BBS7: variants seen among roughly 807,000 people sequenced by gnomAD.
The protein encoded by BBS7 is BBSome complex member BBS7.
In BBS7, 50 loss-of-function variants were observed where a neutral mutation model predicts 90.3. The ratio of observed to expected loss-of-function variants is 0.55; its 90% CI spans 0.44 to 0.70. BBS7 has a LOEUF of 0.70. Ranked by LOEUF, BBS7 falls within the 30% of genes least tolerant of loss-of-function variation. The pLI is 0.00. For missense variants in BBS7, 729 were observed against 838.9 expected (o/e 0.87, Z 1.62); for synonymous variants, 235 against 287.4 (o/e 0.82, Z 1.85).
intron 8 of BBS7, among the ~76,000 whole-genome samples, chr4:121,851,226 T>G (rs1424414535): frequency 6.6e-6 from 1 of 152,100 alleles, no homozygotes; most frequent in Non-Finnish European, 1.5e-5. Flanking sequence ...CAAAAATTTT[T>G]TACAAACTGT....
chr4:121,854,881 TA>T (rs1726520479), intron 6 of BBS7, 61 bp from the exon 7 acceptor site: 2 of 1,448,006 alleles, frequency 1.4e-6, no homozygotes, highest in African/African-American at 2.9e-5. Flanking sequence ...TCTTTAAAAT[TA>T]AAATGTTGTT....
intron 12 of BBS7, among the ~76,000 whole-genome samples, chr4:121,843,371 A>G (rs936424855): frequency 1.3e-4 from 20 of 152,222 alleles, no homozygotes; most frequent in African/African-American, 4.6e-4. Context: ...CTTATAAAGT[A>G]GTTCAAGCAA....
At chr4:121,844,629 TTTTG>T (rs1725913915) in intron 11 of BBS7, among the ~76,000 whole-genome samples, 1 of 152,212 alleles carries the variant, frequency 6.6e-6, no homozygotes, top group Admixed American at 6.5e-5. Context: ...GTTTACTACC[TTTTG>T]TTTGTTTTCT....
chr4:121,849,630 C>T (rs1352840642), intron 8 of BBS7, among the ~76,000 whole-genome samples: 3 of 152,084 alleles, frequency 2.0e-5, no homozygotes, highest in South Asian at 4.1e-4. Flanking sequence ...AGATTGAGAC[C>T]GTCCTGTCCA....
At chr4:121,856,041 A>AT (rs1224005310) in intron 5 of BBS7, among the ~76,000 whole-genome samples, 46 of 152,298 alleles carry the variant, frequency 3.0e-4, no homozygotes, top group Non-Finnish European at 5.7e-4. Context: ...TTTTAAATAC[A>AT]TTGTTTGCCT....
Position 121,829,538 on chromosome 4 carries a change from G to A in BBS7, c.1677-810C>T, listed in dbSNP as rs1328655133. ...GGCATGAGCTACTGAGATTACAGGC[G>A]TGAGCCACCACGCCCGGCCAGGATC... On this transcript the variant is annotated intron_variant, in intron 15 of 18. Transcript: ENST00000264499. Among the ~76,000 whole-genome samples the A allele has an allele frequency of 3.3e-5, 5 of 152,102 alleles. No homozygotes were observed. The South Asian group carries it at 6.2e-4, about 19-fold the overall frequency.
chr4:121,869,688 G>A (rs1458082170), intron 1 of BBS7, among the ~76,000 whole-genome samples: 1 of 152,084 alleles, frequency 6.6e-6, no homozygotes, highest in Non-Finnish European at 1.5e-5. Flanking sequence ...ACAGGCGCCC[G>A]CCACCACACC....
rs1725866216 is a variant in BBS7 at position 121,843,930 on chromosome 4, A to G, written c.1302T>C (p.Ser434=). The change falls in exon 12 of 19, where the codon TCT becomes TCC. Residue 434 remains serine (S), a synonymous_variant. Coordinates refer to ENST00000264499, the MANE Select transcript of BBS7 (RefSeq NM_176824.3). The part of the protein sequence containing the change: ...SAVVSFSSCD[S]ESNDNFLLAT... The stretch of plus-strand genomic sequence containing the variant: ...ATTCTTTTATATTTTTACTCACCTC[A>G]GAATCACAGCTGCTAAAGCTAACAA... 1 of 1,592,768 alleles carries G rather than the reference A, an allele frequency of 6.3e-7. No homozygotes were observed. Among genetic ancestry groups the G allele is most frequent in the Admixed American group, 1.7e-5 (1 of 58,854 alleles).
At chr4:121,829,857 A>G (rs1257247616) in intron 15 of BBS7, among the ~76,000 whole-genome samples, 3 of 152,226 alleles carry the variant, frequency 2.0e-5, no homozygotes, top group Admixed American at 6.5e-5. Context: ...AGAACTGAAC[A>G]AGGGATAAAA....
At chr4:121,864,684 A>G (rs748559843) in intron 2 of BBS7, among the ~76,000 whole-genome samples, 2 of 152,194 alleles carry the variant, frequency 1.3e-5, no homozygotes, top group African/African-American at 2.4e-5. Context: ...GAGACCAAAA[A>G]TTTTGAGAAG....
Position 121,835,286 on chromosome 4 carries a change from G to C in BBS7, c.1372-3C>G. ...TACTGGCCTTCAATTGAGCGAATCT[G>C]ATTCAACACAAAAGAGGAAATAAAA... On this transcript the variant is annotated splice_polypyrimidine_tract_variant and splice_region_variant and intron_variant, in intron 13 of 18. Coordinates refer to ENST00000264499, the MANE Select transcript of BBS7 (RefSeq NM_176824.3). 1 of 1,613,492 alleles carries C rather than the reference G, an allele frequency of 6.2e-7. No homozygotes were observed. Among genetic ancestry groups the C allele is most frequent in the Non-Finnish European group, 8.5e-7 (1 of 1,179,656 alleles).
intron 7 of BBS7, among the ~76,000 whole-genome samples, chr4:121,853,870 C>CT (rs1376559638): frequency 6.6e-6 from 1 of 152,160 alleles, no homozygotes; most frequent in Non-Finnish European, 1.5e-5. Context: ...ACCTCTCTGA[C>CT]TCCATCTCCT....
intron 2 of BBS7, among the ~76,000 whole-genome samples, chr4:121,865,519 G>GT (rs907425307): frequency 4.6e-5 from 7 of 152,184 alleles, no homozygotes; most frequent in Non-Finnish European, 8.8e-5. Context: ...GATTACAGGC[G>GT]TGAGTCACCA....
At chr4:121,857,853 C>T (rs1035099702) in intron 5 of BBS7, among the ~76,000 whole-genome samples, 4 of 140,140 alleles carry the variant, frequency 2.9e-5, no homozygotes, top group Admixed American at 2.3e-4. Context: ...GTTGCCCAGG[C>T]TGGAGTGCAG....
intron 2 of BBS7, among the ~76,000 whole-genome samples, chr4:121,866,511 C>T (rs1008986547): frequency 1.3e-5 from 2 of 152,070 alleles, no homozygotes; most frequent in African/African-American, 4.8e-5. Flanking sequence ...GTGATCCACT[C>T]GCCTTGGCCT....
chr4:121,861,414 C>G, intron 4 of BBS7, 90 bp downstream of exon 4: 1 of 1,172,494 alleles, frequency 8.5e-7, no homozygotes, highest in South Asian at 1.4e-5. Flanking sequence ...TTCCAGAAAG[C>G]CTATTAAGAT....
At chr4:121,852,302 CTTTAAG>C (rs1726365948) in intron 8 of BBS7, among the ~76,000 whole-genome samples, 1 of 151,750 alleles carries the variant, frequency 6.6e-6, no homozygotes, top group African/African-American at 2.4e-5. Flanking sequence ...TCTTTTTTTT[CTTTAAG>C]TTTAATAGCC....
intron 2 of BBS7, 60 bp downstream of exon 2, chr4:121,867,921 T>TAGG (rs1470923684): frequency 1.5e-6 from 2 of 1,353,482 alleles, no homozygotes; most frequent in East Asian, 4.6e-5. Context: ...AAGAAGGAAA[T>TAGG]AGGAGCCTCT....
At chr4:121,829,800 G>A (rs1377780206) in intron 15 of BBS7, among the ~76,000 whole-genome samples, 1 of 152,176 alleles carries the variant, frequency 6.6e-6, no homozygotes, top group African/African-American at 2.4e-5. Flanking sequence ...TCTAGGAACT[G>A]CTGGTGGCCA....
Sources: allele counts gnomAD v4.1 joint callset (sites outside exome capture counted in the v4.1 genomes callset), GRCh38; gene constraint gnomAD v4.1.1; transcripts MANE v1.5; gene names NCBI Gene and HGNC (gene_info 2026-07-23, HGNC 2026-07-21).